Variants in ZNF595 observed in about 807,000 individuals in gnomAD.
ZNF595 encodes the protein zinc finger protein 595.
In ZNF595, 9 loss-of-function variants were observed where a neutral mutation model predicts 19.4. The ratio of observed to expected loss-of-function variants is 0.46; its 90% CI spans 0.28 to 0.81. ZNF595 has a LOEUF of 0.81. ZNF595 is among the 30% of genes least tolerant of loss of function. The pLI is 0.11. For synonymous variants in ZNF595, 255 were observed against 255.9 expected (o/e 1.00, Z 0.03); for missense variants, 729 against 736.0 (o/e 0.99, Z 0.11).
In ZNF595 at chr4:86,981, G is replaced by C. The variant is rs374778353; in HGVS notation, c.1477G>C (p.Ala493Pro). 1 of 1,592,428 alleles carries C rather than the reference G, an allele frequency of 6.3e-7. No homozygotes were observed. Among genetic ancestry groups the C allele is most frequent in the South Asian group, 1.1e-5 (1 of 89,298 alleles). The change falls in exon 4 of 4, where the codon GCA becomes CCA. Residue 493 changes from alanine (A) to proline (P), a missense_variant. Physicochemically the swap from Ala to Pro is conservative, Grantham distance 27. Transcript: ENST00000610261. ...EECGKAFIWSASLNEHKNIHT... is the reference protein window; with the variant it reads ...EECGKAFIWSPSLNEHKNIHT... ...ATGTGGCAAAGCTTTCATATGGTCC[G>C]CAAGCCTGAATGAACATAAGAATAT...
intron 3 of ZNF595, among the ~76,000 whole-genome samples, chr4:82,454 G>A (rs1553800197): frequency 7.6e-6 from 1 of 131,288 alleles, no homozygotes. Flanking sequence ...CGTGATCTCA[G>A]CTCACCACAA....
At position 87,418 on chromosome 4, in the gene ZNF595, CA is replaced by C; in HGVS notation, c.1916del (p.Lys639SerfsTer12). On this transcript the variant is annotated frameshift_variant, in exon 4 of 4. Coordinates refer to ENST00000610261, the MANE Select transcript of ZNF595 (RefSeq NM_182524.4). LOFTEE classifies it high-confidence loss of function. ...FNRPSTLTVH[K>X]RIHTGKEHS is the part of the protein sequence containing the mutation. ...ATCGGCCCTCAACCCTTACTGTACA[CA>C]AGCGAATTCATACTGGCAAGGAACA... 6.2e-7 allele frequency: 1 copy of C among 1,603,684 alleles called. No homozygotes were observed. The highest frequency in any genetic ancestry group is 8.5e-7 in the Non-Finnish European group (1 of 1,175,040).
intron 3 of ZNF595, among the ~76,000 whole-genome samples, chr4:72,710 C>T (rs1157189036): frequency 1.3e-5 from 2 of 151,524 alleles, no homozygotes; most frequent in African/African-American, 4.9e-5. Context: ...ATGTAAGTGC[C>T]TTCCAATTTC....
At chr4:81,789 C>A (rs782062659) in intron 3 of ZNF595, among the ~76,000 whole-genome samples, 2 of 152,128 alleles carry the variant, frequency 1.3e-5, no homozygotes, top group African/African-American at 2.4e-5. Flanking sequence ...CATACAGTTT[C>A]TCTTCATGGT....
rs188563063 is a variant in ZNF595 at position 86,905 on chromosome 4, G to C, written c.1401G>C (p.Leu467=). Residue 467 remains leucine (L), a synonymous_variant, in exon 4 of 4, where the codon CTG becomes CTC. Coordinates refer to ENST00000610261, the MANE Select transcript of ZNF595 (RefSeq NM_182524.4). ...CGKAFTRSTT[L]NEHKKIHTGE... is the part of the protein sequence containing the mutation. Reference sequence around the variant, plus strand: ...AAGCCTTTACACGGTCCACAACACTGAACGAACATAAGAAAATTCATACTG... The same window carrying C: ...AAGCCTTTACACGGTCCACAACACTCAACGAACATAAGAAAATTCATACTG... 4.8e-5 allele frequency: 77 copies of C among 1,608,320 alleles called. No homozygotes were observed. In the East Asian group the frequency reaches 1.7e-3, roughly 35 times the overall value.
intron 3 of ZNF595, among the ~76,000 whole-genome samples, chr4:77,848 G>A (rs1713737559): frequency 1.3e-5 from 2 of 152,114 alleles, no homozygotes; most frequent in African/African-American, 4.8e-5. Flanking sequence ...CCTGATGTGT[G>A]GCTCTTGCTG....
intron 3 of ZNF595, among the ~76,000 whole-genome samples, chr4:73,905 C>T (rs6599369): frequency 0.015 from 2,256 of 152,050 alleles, 56 homozygotes; most frequent in African/African-American, 0.051. Flanking sequence ...AGCCCTGAGA[C>T]GGTGGGGTCT....
intron 3 of ZNF595, among the ~76,000 whole-genome samples, chr4:84,891 A>T (rs927132366): frequency 6.6e-6 from 1 of 152,116 alleles, no homozygotes; most frequent in Non-Finnish European, 1.5e-5. Flanking sequence ...AAATTTCTAC[A>T]TCTTCATTTC....
intron 3 of ZNF595, among the ~76,000 whole-genome samples, chr4:71,325 C>G (rs1261492095): frequency 6.6e-6 from 1 of 151,774 alleles, no homozygotes; most frequent in Non-Finnish European, 1.5e-5. Context: ...ATTTTTTTCT[C>G]TTGTCAAATT....
chr4:80,602 A>G (rs1713864579), intron 3 of ZNF595, among the ~76,000 whole-genome samples: 1 of 152,170 alleles, frequency 6.6e-6, no homozygotes, highest in Non-Finnish European at 1.5e-5. Flanking sequence ...GCAGTTTTAT[A>G]GGATTTGGGT....
At chr4:85,641 C>A in intron 3 of ZNF595, 90 bp from the exon 4 acceptor site, 2 of 1,364,084 alleles carry the variant, frequency 1.5e-6, no homozygotes, top group Admixed American at 2.4e-5. Flanking sequence ...CTTACTAATG[C>A]AGTTTGTATA....
intron 3 of ZNF595, among the ~76,000 whole-genome samples, chr4:69,356 C>T (rs1324761707): frequency 1.3e-5 from 2 of 152,184 alleles, no homozygotes; most frequent in East Asian, 3.9e-4. Flanking sequence ...TTTACATTCA[C>T]ACCAAGAGAA....
intron 3 of ZNF595, among the ~76,000 whole-genome samples, chr4:84,570 A>T (rs1553800707): frequency 6.6e-6 from 1 of 152,198 alleles, no homozygotes; most frequent in African/African-American, 2.4e-5. Flanking sequence ...TTCACTGGTT[A>T]TGTAAGACCA....
chr4:70,046 G>A (rs1480751790), intron 3 of ZNF595, among the ~76,000 whole-genome samples: 1 of 152,294 alleles, frequency 6.6e-6, no homozygotes. Context: ...TTGTGACCCT[G>A]ACCAGCTAGT....
chr4:71,237 T>C (rs1281484088), intron 3 of ZNF595, among the ~76,000 whole-genome samples: 1 of 152,220 alleles, frequency 6.6e-6, no homozygotes, highest in African/African-American at 2.4e-5. Flanking sequence ...TTAATTAGGT[T>C]TTTTTCAAAT....
chr4:85,694 A>G, intron 3 of ZNF595, 37 bp from the exon 4 acceptor site: 1 of 1,519,084 alleles, frequency 6.6e-7, no homozygotes, highest in East Asian at 2.3e-5. Context: ...ATATGAATCT[A>G]GTAAGTGGGA....
chr4:87,193 C>G lies in ZNF595; in HGVS notation c.1689C>G (p.Pro563=). The G allele has an allele frequency of 6.3e-7, 1 of 1,596,520 alleles. No homozygotes were observed. Among genetic ancestry groups the G allele is most frequent in the African/African-American group, 1.3e-5 (1 of 74,798 alleles). ...AGAAAATTCATTCTGGAGAGAAACC[C>G]TACAAATGCAAAGAATGTGGCAAAG... ...EHKKIHSGEK[P]YKCKECGKAY... The change falls in exon 4 of 4, where the codon CCC becomes CCG. Residue 563 remains proline, a synonymous_variant. Transcript: ENST00000610261.
Position 86,106 on chromosome 4 carries a change from A to C in ZNF595, c.602A>C (p.Lys201Thr), listed in dbSNP as rs1714138729. ...ATTCATGCTGGAGAGAAACCCTACA[A>C]ATGTGAAAAATGTGGCAAAGCCTTT... ...TGIHAGEKPY[K>T]CEKCGKAFNR... is the part of the protein sequence containing the mutation. Residue 201 changes from lysine to threonine, a missense_variant, in exon 4 of 4, where the codon AAA (lysine) becomes ACA (threonine). Physicochemically the swap from Lys to Thr is moderately conservative, Grantham distance 78. Coordinates refer to ENST00000610261, the MANE Select transcript of ZNF595 (RefSeq NM_182524.4). 6.2e-7 allele frequency: 1 copy of C among 1,613,538 alleles called. No homozygotes were observed. The highest frequency in any genetic ancestry group is 1.1e-5 in the South Asian group (1 of 91,030).
chr4:78,740 CAG>C (rs1376772870), intron 3 of ZNF595, among the ~76,000 whole-genome samples: 1 of 152,118 alleles, frequency 6.6e-6, no homozygotes, highest in African/African-American at 2.4e-5. Flanking sequence ...TTTTTTGAGA[CAG>C]AGTTTTGCTC....
Sources: gnomAD v4.1 joint callset for allele counts (sites outside exome capture counted in the v4.1 genomes callset) on GRCh38, gnomAD v4.1.1 for gene constraint, MANE v1.5 for transcripts, NCBI Gene and HGNC (gene_info 2026-07-23, HGNC 2026-07-21) for gene names.